Variants in GPR153 observed in about 807,000 individuals in gnomAD.
GPR153 encodes the protein G protein-coupled receptor 153.
In GPR153, 27 loss-of-function variants were observed where a neutral mutation model predicts 34.1. That is an observed-to-expected ratio of 0.79 (90% confidence interval 0.58 to 1.09). The LOEUF is 1.09. GPR153 is among the 50% of genes least tolerant of loss of function. The pLI, the probability that GPR153 is intolerant of heterozygous loss-of-function variation, is 0.00. For missense variants in GPR153, 848 were observed against 860.2 expected (o/e 0.99, Z 0.18); for synonymous variants, 408 against 405.4 (o/e 1.01, Z -0.08).
intron 3 of GPR153, 31 bp downstream of exon 3, chr1:6,253,687 A>G: frequency 6.6e-7 from 1 of 1,510,532 alleles, no homozygotes; most frequent in Non-Finnish European, 8.9e-7. Context: ...TGTCCCAGAG[A>G]CAGGCCCCTC....
Position 6,260,383 on chromosome 1 carries a change from C to CA in GPR153, c.-110+441_-110+442insT, listed in dbSNP as rs1295948916. ...AACCCCCTGGGGCTCCGATCCCCCC[C>CA]CCCCCCCGCAATCCCCGCTCCGACT... On this transcript the variant is annotated intron_variant, in intron 1 of 5. Coordinates refer to ENST00000377893, the MANE Select transcript of GPR153 (RefSeq NM_207370.4). Among the ~76,000 whole-genome samples the CA allele has an allele frequency of 1.4e-4, 8 of 58,422 alleles. 1 individual carries two copies. Among genetic ancestry groups the CA allele is most frequent in the South Asian group, 1.2e-3 (2 of 1,720 alleles). 38.3% of individuals were successfully genotyped at this position (58,422 alleles called of 152,430 possible).
rs896081362 is a variant in GPR153 at position 6,251,590 on chromosome 1, CCT to C, written c.787-62_787-61del. ...ACCCCCCACCATCACACAAGCTCCCCCTGAGTCTCGGTCTCCCCATGTGTACG... is the reference window on the plus strand; with the variant it reads ...ACCCCCCACCATCACACAAGCTCCCCGAGTCTCGGTCTCCCCATGTGTACG... On this transcript the variant is annotated intron_variant, in intron 3 of 5. Transcript: ENST00000377893. The surrounding 1 kb of genome is among the most constrained non-coding windows in gnomAD (Gnocchi z 4.9). 9.3e-5 allele frequency: 137 copies of C among 1,480,282 alleles called. 1 individual carries two copies. Among genetic ancestry groups the C allele is most frequent in the Admixed American group, 1.3e-4 (6 of 45,756 alleles). The allele number at this position is 1,480,282 out of a possible 1,614,324, so 91.7% of individuals were successfully genotyped here. A position where few individuals can be genotyped will look rare whatever the true frequency, so the allele number is the denominator to read the frequency against.
rs1017240287 is a variant in GPR153, at chr1:6,249,788, C to T, written c.1380G>A (p.Leu460=). 14 of 1,172,082 alleles carry T rather than the reference C, an allele frequency of 1.2e-5. No individual in the cohort carries two copies. The highest frequency in any genetic ancestry group is 1.2e-5 in the Non-Finnish European group (11 of 950,946). 72.6% of individuals were successfully genotyped at this position (1,172,082 alleles called of 1,614,324 possible). ...SRARRRSAES[L]LSLRPSALDS... is the part of the protein sequence containing the mutation. ...CCAGGGCCGAGGGCCGCAGCGACAG[C>T]AGGCTCTCGGCCGAGCGGCGGCGCG... The change falls in exon 6 of 6, where the codon CTG becomes CTA. Residue 460 remains leucine (L), a synonymous_variant. Transcript: ENST00000377893. This position sits in a 1 kb window ranked among gnomAD's most constrained non-coding sequence, Gnocchi z 4.3.
rs1193956018 is a variant in GPR153 at position 6,250,047 on chromosome 1, G to A, written c.1165-44C>T. On this transcript the variant is annotated intron_variant, in intron 5 of 5. Transcript: ENST00000377893. ...CTTTTACCCCGAGCTGCCCTCCTGGGAAACGGGGACAAACCCTTCTCCACC... is the reference window on the plus strand; with the variant it reads ...CTTTTACCCCGAGCTGCCCTCCTGGAAAACGGGGACAAACCCTTCTCCACC... The A allele has an allele frequency of 6.4e-6, 8 of 1,257,958 alleles. No homozygotes were observed. The African/African-American group carries it at 7.8e-5, about 12-fold the overall frequency. 77.9% of individuals were successfully genotyped at this position (1,257,958 alleles called of 1,614,324 possible). A position where few individuals can be genotyped will look rare whatever the true frequency, so the allele number is the denominator to read the frequency against.
chr1:6,256,974 G>C (rs1469256682), intron 1 of GPR153, among the ~76,000 whole-genome samples: 3 of 152,152 alleles, frequency 2.0e-5, no homozygotes, highest in Admixed American at 1.3e-4. Context: ...CCATGTCCCT[G>C]ACACCCAGGG....
Position 6,249,379 on chromosome 1 carries a change from A to G in GPR153, c.1789T>C (p.Tyr597His). The change falls in exon 6 of 6, where the codon TAC (tyrosine) becomes CAC (histidine). Residue 597 changes from tyrosine (Y) to histidine (H), a missense_variant. Coordinates refer to ENST00000377893, the MANE Select transcript of GPR153 (RefSeq NM_207370.4). This position sits in a 1 kb window ranked among gnomAD's most constrained non-coding sequence, Gnocchi z 4.3. ...AGCGAGTCCGAGTGCAGCGTGGCGT[A>G]GCCCGAGGACTCGGAGGGGGAACTC... is the stretch of plus-strand genomic sequence containing the variant. The part of the protein sequence containing the change: ...FLSSPSESSG[Y>H]ATLHSDSLGS... 7.3e-7 allele frequency: 1 copy of G among 1,362,750 alleles called. No individual in the cohort carries two copies. The highest frequency in any genetic ancestry group is 9.4e-7 in the Non-Finnish European group (1 of 1,064,658). 84.4% of individuals were successfully genotyped at this position (1,362,750 alleles called of 1,614,324 possible).
At chr1:6,252,385 T>C (rs1221671485) in intron 3 of GPR153, among the ~76,000 whole-genome samples, 1 of 152,136 alleles carries the variant, frequency 6.6e-6, no homozygotes, top group Non-Finnish European at 1.5e-5. Context: ...GGGGTGGTTC[T>C]GACTCCCTCC....
intron 2 of GPR153, 54 bp downstream of exon 2, chr1:6,254,496 T>C: frequency 6.9e-7 from 1 of 1,448,392 alleles, no homozygotes; most frequent in East Asian, 2.3e-5. Flanking sequence ...CAGATATGTC[T>C]TTGTTTTCAC....
chr1:6,260,573 C>G (rs1349139441), intron 1 of GPR153, among the ~76,000 whole-genome samples: 1 of 151,926 alleles, frequency 6.6e-6, no homozygotes, highest in Admixed American at 6.5e-5. Flanking sequence ...CGCGCCCCGC[C>G]CCCGTCCCCT....
At chr1:6,254,262 T>G in intron 2 of GPR153, 115 bp from the exon 3 acceptor site, 1 of 969,954 alleles carries the variant, frequency 1.0e-6, no homozygotes, top group Admixed American at 2.5e-5. Flanking sequence ...CCCCAGTATA[T>G]CATAGTCATG....
chr1:6,254,780 C>CA lies in GPR153; in HGVS notation c.125dup (p.Leu42PhefsTer39). ...CCGCGAGTGTACACAGCAGGAACTC[C>CA]AAGGGCTTCCACTTCTTCTGCTTGG... On this transcript the variant is annotated frameshift_variant, in exon 2 of 6. Coordinates refer to ENST00000377893, the MANE Select transcript of GPR153 (RefSeq NM_207370.4). LOFTEE classifies it high-confidence loss of function. 2.5e-6 allele frequency: 4 copies of CA among 1,613,730 alleles called. No individual in the cohort carries two copies. The highest frequency in any genetic ancestry group is 1.3e-5 in the African/African-American group (1 of 75,028).
intron 3 of GPR153, 25 bp downstream of exon 3, chr1:6,253,693 C>A (rs1186033063): frequency 2.0e-6 from 3 of 1,513,224 alleles, no homozygotes; most frequent in Non-Finnish European, 2.7e-6. Context: ...AGAGACAGGC[C>A]CCTCTACCCG....
In GPR153 at chr1:6,251,357, G is replaced by T; in HGVS notation, c.960C>A (p.Asn320Lys). The change falls in exon 4 of 6, where the codon AAC becomes AAA. Residue 320 changes from asparagine (N) to lysine (K), a missense_variant. By Grantham distance (94) the Asn-to-Lys change is moderately conservative. Coordinates refer to ENST00000377893, the MANE Select transcript of GPR153 (RefSeq NM_207370.4). This position sits in a 1 kb window ranked among gnomAD's most constrained non-coding sequence, Gnocchi z 4.9. ...VREKCMALMA[N>K]DEESDDETSL... The stretch of plus-strand genomic sequence containing the variant: ...CCTCACCATCGTCTGACTCCTCGTC[G>T]TTGGCCATGAGGGCCATGCACTTCT... 1.9e-6 allele frequency: 3 copies of T among 1,608,630 alleles called. No individual in the cohort carries two copies. Among genetic ancestry groups the T allele is most frequent in the Non-Finnish European group, 1.7e-6 (2 of 1,176,622 alleles).
rs1185236436 is a variant in GPR153, at chr1:6,255,650, T to TTTTTG, written c.-109-637_-109-636insCAAAA. On this transcript the variant is annotated intron_variant, in intron 1 of 5. Transcript: ENST00000377893. ...CCACTATGCCTGGCTACGTTTTTTT[T>TTTTTG]TTTTTTTTTTTTTTTTTTTTGAGAT... 1.9e-3 allele frequency among the ~76,000 whole-genome samples: 235 copies of TTTTTG among 124,234 alleles called. 18 individuals are homozygous for TTTTTG. The highest frequency in any genetic ancestry group is 7.9e-3 in the African/African-American group (226 of 28,524). 81.5% of individuals were successfully genotyped at this position (124,234 alleles called of 152,430 possible).
intron 3 of GPR153, among the ~76,000 whole-genome samples, chr1:6,252,443 C>T (rs1638470483): frequency 6.6e-6 from 1 of 152,182 alleles, no homozygotes; most frequent in East Asian, 1.9e-4. Context: ...CCCGAGGTGC[C>T]TTGTGGGTCT....
At chr1:6,250,767 G>A in intron 4 of GPR153, 143 bp from the exon 5 acceptor site, 1 of 592,504 alleles carries the variant, frequency 1.7e-6, no homozygotes, top group Non-Finnish European at 3.0e-6. Flanking sequence ...AAAAGGGAAT[G>A]GGAGGGGTTC....
chr1:6,259,715 G>A (rs111296830), intron 1 of GPR153, among the ~76,000 whole-genome samples: 2,926 of 152,244 alleles, frequency 0.019, 104 homozygotes, highest in African/African-American at 0.067. Flanking sequence ...CGTGGACACC[G>A]GGTTCCAAGT....
chr1:6,252,381 G>A (rs1484080762), intron 3 of GPR153, among the ~76,000 whole-genome samples: 3 of 152,070 alleles, frequency 2.0e-5, no homozygotes, highest in Non-Finnish European at 2.9e-5. Context: ...CGCAGGGGTG[G>A]TTCTGACTCC....
intron 3 of GPR153, among the ~76,000 whole-genome samples, chr1:6,253,053 G>A (rs1352451272): frequency 3.3e-5 from 5 of 152,090 alleles, no homozygotes; most frequent in Admixed American, 6.5e-5. Context: ...CTGGGACCTG[G>A]ACCCACCAGG....
Sources: gnomAD v4.1 joint callset for allele counts (sites outside exome capture counted in the v4.1 genomes callset) on GRCh38, gnomAD v4.1.1 for gene constraint, Gnocchi (gnomAD v3.1) non-coding constraint, MANE v1.5 for transcripts, NCBI Gene and HGNC (gene_info 2026-07-23, HGNC 2026-07-21) for gene names.